The following PLK5 variants were observed in gnomAD, a reference collection of about 807,000 sequenced individuals.
PLK5 encodes the protein polo like kinase 5 (inactive).
A neutral mutation model predicts 33.7 loss-of-function variants in PLK5; 28 were observed. The ratio of observed to expected loss-of-function variants is 0.83; its 90% CI spans 0.62 to 1.14. PLK5 has a LOEUF of 1.14. Ranked by LOEUF, PLK5 falls within the 50% of genes most tolerant of loss-of-function variation. The pLI, the probability that PLK5 is intolerant of heterozygous loss-of-function variation, is 0.00. For missense variants in PLK5, 492 were observed against 461.5 expected (o/e 1.07, Z -0.61); for synonymous variants, 225 against 202.2 (o/e 1.11, Z -0.96).
chr19:1,529,694 G>A (rs1913869683), intron 10 of PLK5, 53 bp from the exon 11 acceptor site: 3 of 1,516,772 alleles, frequency 2.0e-6, no homozygotes, highest in Non-Finnish European at 2.7e-6. Context: ...GGTTGGAAGA[G>A]CCTGGTGGTG....
At position 1,526,782 on chromosome 19, in the gene PLK5, G is replaced by A. The variant is rs1207702665; in HGVS notation, c.-104G>A. ...GCGGCCAAGGTGGGGCCAGGGGGCCGCTGCCACAGGTGAGAGCCGGGGGGA... is the reference window on the plus strand; with the variant it reads ...GCGGCCAAGGTGGGGCCAGGGGGCCACTGCCACAGGTGAGAGCCGGGGGGA... On this transcript the variant is annotated 5_prime_UTR_variant, in exon 5 of 14. Coordinates refer to ENST00000454744, the MANE Select transcript of PLK5 (RefSeq NM_001243079.2). The A allele has an allele frequency of 1.0e-5, 6 of 595,922 alleles. No homozygotes were observed. Among genetic ancestry groups the A allele is most frequent in the East Asian group, 3.0e-5 (1 of 32,986 alleles). The allele number at this position is 595,922 out of a possible 1,614,324, so 36.9% of individuals were successfully genotyped here.
intron 13 of PLK5, among the ~76,000 whole-genome samples, chr19:1,534,829 A>AAT (rs1300226759): frequency 6.9e-6 from 1 of 145,728 alleles, no homozygotes. Context: ...AAAAAAAAAA[A>AAT]GTCAGGGTCT....
At chr19:1,533,529 GA>G (rs1174002892) in intron 12 of PLK5, among the ~76,000 whole-genome samples, 1 of 152,124 alleles carries the variant, frequency 6.6e-6, no homozygotes, top group African/African-American at 2.4e-5. Context: ...GATAGAGTTG[GA>G]AGGCAGGAAG....
chr19:1,533,960 T>G lies in PLK5; in HGVS notation c.744T>G (p.Pro248=). 6.5e-7 allele frequency: 1 copy of G among 1,534,708 alleles called. No individual in the cohort carries two copies. The highest frequency in any genetic ancestry group is 8.7e-7 in the Non-Finnish European group (1 of 1,146,752). ...REGTLPTPVP[P]AGPGLCLLRF... is the part of the protein sequence containing the mutation. ...GGACCCTCCCCACACCTGTGCCACC[T>G]GCTGGACCCGGCCTCTGCCTCCTGC... The change falls in exon 13 of 14, where the codon CCT becomes CCG. Residue 248 remains proline (P), a synonymous_variant. Transcript: ENST00000454744.
At position 1,524,284 on chromosome 19, in the gene PLK5, A is replaced by G. The variant is rs2656855; in HGVS notation, c.-544+38A>G. 0.71 allele frequency: 106,562 copies of G among 150,702 alleles called. 39,133 individuals are homozygous for G. The highest frequency in any genetic ancestry group is 0.92 in the African/African-American group (37,947 of 41,378). 9.3% of individuals were successfully genotyped at this position (150,702 alleles called of 1,614,324 possible). On this transcript the variant is annotated intron_variant, in intron 1 of 13. Coordinates refer to ENST00000454744, the MANE Select transcript of PLK5 (RefSeq NM_001243079.2). The surrounding 1 kb of genome is among the most constrained non-coding windows in gnomAD (Gnocchi z 4.5). ...CGCCCCGAGTCCGCGACGGGGCCGG[A>G]CCGGGCTGGGCTGGGGTCCCGGGGC...
chr19:1,525,658 C>T lies in PLK5; in HGVS notation c.-366C>T, dbSNP rs1440412882. 6.5e-6 allele frequency: 1 copy of T among 152,726 alleles called. No individual in the cohort carries two copies. Among genetic ancestry groups the T allele is most frequent in the Non-Finnish European group, 1.5e-5 (1 of 68,078 alleles). 9.5% of individuals were successfully genotyped at this position (152,726 alleles called of 1,614,324 possible). ...CCGCAACATCGTGGCTTTCCACGGA[C>T]ACTTTGCTGACCGCGACCACGTGTA... On this transcript the variant is annotated 5_prime_UTR_variant, in exon 3 of 14. Coordinates refer to ENST00000454744, the MANE Select transcript of PLK5 (RefSeq NM_001243079.2).
In PLK5 at chr19:1,531,835, CG is replaced by C. The variant is rs775333704; in HGVS notation, c.672del (p.Arg225AlafsTer52). 3 of 1,532,326 alleles carry C rather than the reference CG, an allele frequency of 2.0e-6. No individual in the cohort carries two copies. Among genetic ancestry groups the C allele is most frequent in the South Asian group, 1.2e-5 (1 of 83,596 alleles). The allele number at this position is 1,532,326 out of a possible 1,614,324, so 94.9% of individuals were successfully genotyped here. A position where few individuals can be genotyped will look rare whatever the true frequency, so the allele number is the denominator to read the frequency against. On this transcript the variant is annotated frameshift_variant, in exon 12 of 14. Coordinates refer to ENST00000454744, the MANE Select transcript of PLK5 (RefSeq NM_001243079.2). LOFTEE classifies it high-confidence loss of function. ...ACGGCTTTGGCTACCAGCTCTTGGACGGGGGGCGCACGGGACGGCACCCACA... is the reference window on the plus strand; with the variant it reads ...ACGGCTTTGGCTACCAGCTCTTGGACGGGGGCGCACGGGACGGCACCCACA... Reference protein sequence around the residue: ...KYGFGYQLLDGGRTGRHPHGP... With the variant: ...KYGFGYQLLDXGRTGRHPHGP...
chr19:1,529,801 T>C lies in PLK5; in HGVS notation c.545T>C (p.Leu182Pro). 1 of 1,535,930 alleles carries C rather than the reference T, an allele frequency of 6.5e-7. No individual in the cohort carries two copies. Among genetic ancestry groups the C allele is most frequent in the Non-Finnish European group, 8.7e-7 (1 of 1,146,860 alleles). The change falls in exon 11 of 14, where the codon CTG becomes CCG. Residue 182 changes from leucine (L) to proline (P), a missense_variant. Leu to Pro is a moderately conservative substitution (Grantham distance 98). Coordinates refer to ENST00000454744, the MANE Select transcript of PLK5 (RefSeq NM_001243079.2). ...GAGGCGGCCCTCAGACACCTGCAGC[T>C]GTGCCTGGATGTAGGCCCCCCGGGT... ...EVEAALRHLQ[L>P]CLDVGPPATQ...
At position 1,535,342 on chromosome 19, in the gene PLK5, T is replaced by C; in HGVS notation, c.*92T>C. 7.2e-7 allele frequency: 1 copy of C among 1,388,716 alleles called. No individual in the cohort carries two copies. Among genetic ancestry groups the C allele is most frequent in the Non-Finnish European group, 9.6e-7 (1 of 1,041,454 alleles). 86.0% of individuals were successfully genotyped at this position (1,388,716 alleles called of 1,614,324 possible). A position where few individuals can be genotyped will look rare whatever the true frequency, so the allele number is the denominator to read the frequency against. On this transcript the variant is annotated 3_prime_UTR_variant, in exon 14 of 14. Transcript: ENST00000454744. ...TGTGGCTCCCCCAGAGGGGCTGTCCTGGGGGAGGGCTGGGGGGCACACGGG... is the reference window on the plus strand; with the variant it reads ...TGTGGCTCCCCCAGAGGGGCTGTCCCGGGGGAGGGCTGGGGGGCACACGGG...
Position 1,525,268 on chromosome 19 carries a change from CACACCTGCCCACTGATCTGCTG to C in PLK5, c.-543-34_-543-13del, listed in dbSNP as rs1402977609. 1 of 152,880 alleles carries C rather than the reference CACACCTGCCCACTGATCTGCTG, an allele frequency of 6.5e-6. No homozygotes were observed. The highest frequency in any genetic ancestry group is 6.5e-5 in the Admixed American group (1 of 15,294). The allele number at this position is 152,880 out of a possible 1,614,324, so 9.5% of individuals were successfully genotyped here. ...CGCGCTGCCAGCTTGCACACCCGTG[CACACCTGCCCACTGATCTGCTG>C]ACCCCTCCCCACAGGGCGCCTTCAG... On this transcript the variant is annotated splice_polypyrimidine_tract_variant and intron_variant, in intron 1 of 13. Coordinates refer to ENST00000454744, the MANE Select transcript of PLK5 (RefSeq NM_001243079.2).
Position 1,524,374 on chromosome 19 carries a change from G to T in PLK5, c.-544+128G>T, listed in dbSNP as rs1244033503. The T allele has an allele frequency of 6.6e-6, 1 of 152,038 alleles. No individual in the cohort carries two copies. Among genetic ancestry groups the T allele is most frequent in the African/African-American group, 2.4e-5 (1 of 41,424 alleles). The allele number at this position is 152,038 out of a possible 1,614,324, so 9.4% of individuals were successfully genotyped here. A position where few individuals can be genotyped will look rare whatever the true frequency, so the allele number is the denominator to read the frequency against. The stretch of plus-strand genomic sequence containing the variant: ...CGAGCGCGGGGTCTGGAGCGGGCGC[G>T]CGTCCGGAGCCGCGGGGCCTCCCGT... On this transcript the variant is annotated intron_variant, in intron 1 of 13. Transcript: ENST00000454744. The surrounding 1 kb of genome is among the most constrained non-coding windows in gnomAD (Gnocchi z 4.5).
At chr19:1,529,058 T>G in intron 9 of PLK5, 84 bp downstream of exon 9, 2 of 1,213,846 alleles carry the variant, frequency 1.6e-6, no homozygotes, top group Non-Finnish European at 1.1e-6. Context: ...CCATGCCGGC[T>G]TCTCTGAACC....
chr19:1,526,894 C>CAGTA lies in PLK5; in HGVS notation c.-94-9_-94-8insAGTA. 2 of 1,403,718 alleles carry CAGTA rather than the reference C, an allele frequency of 1.4e-6. No homozygotes were observed. Among genetic ancestry groups the CAGTA allele is most frequent in the Non-Finnish European group, 1.9e-6 (2 of 1,027,258 alleles). The allele number at this position is 1,403,718 out of a possible 1,614,324, so 87.0% of individuals were successfully genotyped here. A position where few individuals can be genotyped will look rare whatever the true frequency, so the allele number is the denominator to read the frequency against. ...AGCCTTCCTGAGCCCCCCATGACGCCCTTCCTAGAGTACTCTGTGGGACCC... is the reference window on the plus strand; with the variant it reads ...AGCCTTCCTGAGCCCCCCATGACGCCAGTACTTCCTAGAGTACTCTGTGGGACCC... On this transcript the variant is annotated splice_polypyrimidine_tract_variant and intron_variant, in intron 5 of 13. Coordinates refer to ENST00000454744, the MANE Select transcript of PLK5 (RefSeq NM_001243079.2).
At chr19:1,530,160 A>G (rs1345587734) in intron 11 of PLK5, among the ~76,000 whole-genome samples, 2 of 151,988 alleles carry the variant, frequency 1.3e-5, no homozygotes, top group African/African-American at 4.8e-5. Context: ...TCTTATCCCC[A>G]GTGTCCCAGA....
intron 6 of PLK5, 21 bp downstream of exon 6, chr19:1,527,019 G>T: frequency 6.6e-7 from 1 of 1,520,506 alleles, no homozygotes; most frequent in African/African-American, 1.4e-5. Flanking sequence ...TCCTGGAGAA[G>T]GTGGGCAGGG....
At position 1,535,762 on chromosome 19, in the gene PLK5, C is replaced by A; in HGVS notation, c.*512C>A. On this transcript the variant is annotated 3_prime_UTR_variant, in exon 14 of 14. Coordinates refer to ENST00000454744, the MANE Select transcript of PLK5 (RefSeq NM_001243079.2). The stretch of plus-strand genomic sequence containing the variant: ...TGGTGGCACGTGCCTGTAGTCCCAG[C>A]TACTTGGGAGGCTGAGATGGGAGGA... 6.1e-6 allele frequency: 1 copy of A among 162,984 alleles called. No individual in the cohort carries two copies. Among genetic ancestry groups the A allele is most frequent in the Non-Finnish European group, 1.3e-5 (1 of 75,590 alleles). 10.1% of individuals were successfully genotyped at this position (162,984 alleles called of 1,614,324 possible).
chr19:1,529,372 G>A (rs1913855553), intron 9 of PLK5, 34 bp from the exon 10 acceptor site: 23 of 1,518,286 alleles, frequency 1.5e-5, no homozygotes, highest in Admixed American at 1.4e-4. Context: ...GGCTGGGGCC[G>A]GGGCCACCCC....
rs534469305 is a variant in PLK5 at position 1,533,904 on chromosome 19, C to T, written c.715-27C>T. 4.0e-4 allele frequency: 600 copies of T among 1,505,782 alleles called. 5 individuals are homozygous for T. The South Asian group carries it at 6.2e-3, about 16-fold the overall frequency. 93.3% of individuals were successfully genotyped at this position (1,505,782 alleles called of 1,614,324 possible). ...AGGGGTGGGGACGCCCCCTGCGTCA[C>T]GTGACCTCAGCCGAGTCTGTCCACA... On this transcript the variant is annotated intron_variant, in intron 12 of 13. Coordinates refer to ENST00000454744, the MANE Select transcript of PLK5 (RefSeq NM_001243079.2).
Position 1,528,373 on chromosome 19 carries a change from G to T in PLK5, c.273G>T (p.Leu91=). 1 of 1,534,592 alleles carries T rather than the reference G, an allele frequency of 6.5e-7. No individual in the cohort carries two copies. Reference sequence around the variant, plus strand: ...CCATCTTCGCCATACCCCCGCCTCTGGGCAGGATCTTCCGGAAGGTGGGCC... The same window carrying T: ...CCATCTTCGCCATACCCCCGCCTCTTGGCAGGATCTTCCGGAAGGTGGGCC... ...SPPIFAIPPP[L]GRIFRKVGQR... The change falls in exon 8 of 14, where the codon CTG becomes CTT. Residue 91 remains leucine (L), a synonymous_variant. Transcript: ENST00000454744.
Sources: gnomAD v4.1 joint callset for allele counts (sites outside exome capture counted in the v4.1 genomes callset) on GRCh38, gnomAD v4.1.1 for gene constraint, Gnocchi (gnomAD v3.1) non-coding constraint, MANE v1.5 for transcripts, NCBI Gene and HGNC (gene_info 2026-07-23, HGNC 2026-07-21) for gene names.